Variants in ZNF507 observed in about 807,000 individuals in gnomAD.
The protein encoded by ZNF507 is zinc finger protein 507.
In ZNF507, 29 loss-of-function variants were observed where a neutral mutation model predicts 80.0. The ratio of observed to expected loss-of-function variants is 0.36; its 90% CI spans 0.27 to 0.49. The LOEUF (loss-of-function observed/expected upper bound fraction) is 0.49, where lower values mean the gene tolerates loss of function less well. Among genes scored for constraint, ZNF507 ranks in the 20% least tolerant of loss-of-function variants. The pLI is 0.98. For synonymous variants in ZNF507, 462 were observed against 422.5 expected (o/e 1.09, Z -1.15); for missense variants, 1,081 against 1,152.2 (o/e 0.94, Z 0.90).
rs371405158 is a variant in ZNF507 at position 32,383,751 on chromosome 19, G to A, written c.*668G>A. 6.6e-6 allele frequency: 1 copy of A among 152,156 alleles called. No individual in the cohort carries two copies. 9.4% of individuals were successfully genotyped at this position (152,156 alleles called of 1,614,324 possible). On this transcript the variant is annotated 3_prime_UTR_variant, in exon 7 of 7. Transcript: ENST00000355898. ...TCAAGAAGTATTGTCTTAAATTTAC[G>A]ATGAATTTCTTGTGAGCAGAGGACG...
chr19:32,356,851 C>A, intron 4 of ZNF507, 118 bp downstream of exon 4: 2 of 751,798 alleles, frequency 2.7e-6, no homozygotes, highest in African/African-American at 1.7e-5. Flanking sequence ...CATTTTTGTA[C>A]CATGGATGTG....
At chr19:32,356,013 CAGG>C (rs1439581992) in intron 3 of ZNF507, among the ~76,000 whole-genome samples, 2 of 152,056 alleles carry the variant, frequency 1.3e-5, no homozygotes, top group African/African-American at 4.8e-5. Flanking sequence ...AAAAAGGTAA[CAGG>C]AATAAGAAAG....
At chr19:32,381,281 G>A (rs1011323425) in intron 5 of ZNF507, among the ~76,000 whole-genome samples, 3 of 152,080 alleles carry the variant, frequency 2.0e-5, no homozygotes, top group Non-Finnish European at 2.9e-5. Flanking sequence ...TATGACGCTG[G>A]AATGGTGGAT....
At position 32,382,503 on chromosome 19, in the gene ZNF507, T is replaced by G. The variant is rs759374177; in HGVS notation, c.2397T>G (p.Pro799=). Residue 799 remains proline, a synonymous_variant, in exon 6 of 7, where the codon CCT becomes CCG. Coordinates refer to ENST00000355898, the MANE Select transcript of ZNF507 (RefSeq NM_001136156.2). ...SLCGYVCSHP[P]SLKSHMWKHA... ...GTGGGTATGTGTGTAGCCATCCTCC[T>G]TCTTTGAAGTCTCATATGTGGAAAC... 3.7e-6 allele frequency: 6 copies of G among 1,614,206 alleles called. No individual in the cohort carries two copies. The highest frequency in any genetic ancestry group is 4.2e-6 in the Non-Finnish European group (5 of 1,180,014).
chr19:32,348,013 T>C (rs1454125975), intron 2 of ZNF507, among the ~76,000 whole-genome samples: 1 of 152,238 alleles, frequency 6.6e-6, no homozygotes, highest in African/African-American at 2.4e-5. Context: ...GAGGTAAATC[T>C]ATAAATAATG....
At chr19:32,358,968 C>A (rs568612071) in intron 4 of ZNF507, 1 of 152,300 alleles carries the variant, frequency 6.6e-6, no homozygotes, top group South Asian at 2.1e-4. Context: ...AATATTCTTT[C>A]CATTGGAAAC....
chr19:32,348,367 A>G (rs1967122166), intron 2 of ZNF507, among the ~76,000 whole-genome samples: 1 of 151,680 alleles, frequency 6.6e-6, no homozygotes, highest in African/African-American at 2.4e-5. Context: ...GTTCTTTTGT[A>G]TCATATTGTA....
intron 3 of ZNF507, among the ~76,000 whole-genome samples, chr19:32,356,392 G>A (rs914922227): frequency 6.6e-6 from 1 of 152,196 alleles, no homozygotes; most frequent in Non-Finnish European, 1.5e-5. Context: ...CTTCCTTTCA[G>A]AGAATATGAA....
At chr19:32,370,629 T>C (rs1371316983) in intron 5 of ZNF507, among the ~76,000 whole-genome samples, 1 of 152,250 alleles carries the variant, frequency 6.6e-6, no homozygotes, top group Non-Finnish European at 1.5e-5. Flanking sequence ...ATTTTGGATA[T>C]TAACCCCTTA....
At position 32,360,492 on chromosome 19, in the gene ZNF507, T is replaced by A. The variant is rs1182334756; in HGVS notation, c.2246-12T>A. 8.1e-6 allele frequency: 12 copies of A among 1,486,646 alleles called. No homozygotes were observed. The highest frequency in any genetic ancestry group is 1.1e-5 in the Non-Finnish European group (12 of 1,100,098). The allele number at this position is 1,486,646 out of a possible 1,614,324, so 92.1% of individuals were successfully genotyped here. A position where few individuals can be genotyped will look rare whatever the true frequency, so the allele number is the denominator to read the frequency against. ...AAAGCCTGCTACTAAAACTCTGAAA[T>A]ACCTTGTCTAGGGAATAAGTCTTCA... is the stretch of plus-strand genomic sequence containing the variant. On this transcript the variant is annotated splice_polypyrimidine_tract_variant and intron_variant, in intron 4 of 6. Transcript: ENST00000355898.
Position 32,383,539 on chromosome 19 carries a change from TG to T in ZNF507, c.*459del, listed in dbSNP as rs1469639829. The T allele has an allele frequency of 6.4e-6, 1 of 156,532 alleles. No individual in the cohort carries two copies. The highest frequency in any genetic ancestry group is 6.2e-5 in the Admixed American group (1 of 16,174). 9.7% of individuals were successfully genotyped at this position (156,532 alleles called of 1,614,324 possible). Reference sequence around the variant, plus strand: ...TCCAGTGAGAAATGGGAGGCAGTTCTGGGAGGGGGTTTTTTCAGTGTCACCA... The same window carrying T: ...TCCAGTGAGAAATGGGAGGCAGTTCTGGAGGGGGTTTTTTCAGTGTCACCA... On this transcript the variant is annotated 3_prime_UTR_variant, in exon 7 of 7. Transcript: ENST00000355898.
At chr19:32,370,919 G>A (rs1187206653) in intron 5 of ZNF507, among the ~76,000 whole-genome samples, 1 of 152,140 alleles carries the variant, frequency 6.6e-6, no homozygotes, top group East Asian at 1.9e-4. Flanking sequence ...TGTAAGATAT[G>A]GGTCCAGTTT....
At chr19:32,349,630 A>G (rs908622024) in intron 2 of ZNF507, among the ~76,000 whole-genome samples, 1 of 152,192 alleles carries the variant, frequency 6.6e-6, no homozygotes, top group African/African-American at 2.4e-5. Flanking sequence ...GCACATAACA[A>G]TTTGTTTGTT....
intron 2 of ZNF507, among the ~76,000 whole-genome samples, chr19:32,350,147 C>G (rs10415145): frequency 0.19 from 29,257 of 151,344 alleles, 2,979 homozygotes; most frequent in South Asian, 0.28. Context: ...AAAGAGTTGG[C>G]CTTACAGTAA....
At chr19:32,361,824 T>A (rs1054703272) in intron 5 of ZNF507, among the ~76,000 whole-genome samples, 1 of 145,904 alleles carries the variant, frequency 6.9e-6, no homozygotes, top group Non-Finnish European at 1.5e-5. Flanking sequence ...TTCCTTCCTT[T>A]CCTTTCTTCC....
At chr19:32,375,802 T>C (rs1967538903) in intron 5 of ZNF507, among the ~76,000 whole-genome samples, 1 of 152,228 alleles carries the variant, frequency 6.6e-6, no homozygotes, top group Non-Finnish European at 1.5e-5. Context: ...AGATTTAGTC[T>C]CAGCAACACC....
intron 5 of ZNF507, among the ~76,000 whole-genome samples, chr19:32,378,021 C>T (rs1167333697): frequency 6.6e-6 from 1 of 152,076 alleles, no homozygotes; most frequent in Non-Finnish European, 1.5e-5. Context: ...TACAAAATAT[C>T]TGACCCATGT....
In ZNF507 at chr19:32,363,509, C is replaced by T. The variant is rs538283208; in HGVS notation, c.2360+2891C>T. Among the ~76,000 whole-genome samples the T allele has an allele frequency of 3.2e-4, 49 of 152,220 alleles. No homozygotes were observed. In the South Asian group the frequency reaches 3.7e-3, roughly 12 times the overall value. ...CTTCATGGATCCCTGGTTCTGGGGG[C>T]AGATAGTCCTGGGATTGAATCTGAG... On this transcript the variant is annotated intron_variant, in intron 5 of 6. Transcript: ENST00000355898.
intron 5 of ZNF507, among the ~76,000 whole-genome samples, chr19:32,377,239 G>A (rs953874550): frequency 3.9e-5 from 6 of 152,106 alleles, no homozygotes; most frequent in East Asian, 1.9e-4. Context: ...TGACGCTACC[G>A]CTAGACCATG....
Sources: gnomAD v4.1 joint callset for allele counts (sites outside exome capture counted in the v4.1 genomes callset) on GRCh38, gnomAD v4.1.1 for gene constraint, MANE v1.5 for transcripts, NCBI Gene and HGNC (gene_info 2026-07-23, HGNC 2026-07-21) for gene names.